FAM81A: variants seen among roughly 807,000 people sequenced by gnomAD.
The protein encoded by FAM81A is family with sequence similarity 81 member A.
FAM81A carries 19 observed loss-of-function variants against 46.7 expected under a neutral mutation model. The ratio of observed to expected loss-of-function variants is 0.41; its 90% CI spans 0.28 to 0.60. The LOEUF is 0.60. Among genes scored for constraint, FAM81A ranks in the 20% least tolerant of loss-of-function variants. The probability of loss-of-function intolerance (pLI) is 0.34; values close to 1 mark genes in which losing one functional copy is unlikely to be tolerated. For synonymous variants in FAM81A, 183 were observed against 152.9 expected (o/e 1.20, Z -1.45); for missense variants, 377 against 453.5 (o/e 0.83, Z 1.53).
intron 1 of FAM81A, among the ~76,000 whole-genome samples, chr15:59,447,125 C>A (rs1294177149): frequency 6.6e-6 from 1 of 152,142 alleles, no homozygotes; most frequent in Non-Finnish European, 1.5e-5. Flanking sequence ...TTATTTCTTT[C>A]CACTGTTTTA....
intron 2 of FAM81A, among the ~76,000 whole-genome samples, chr15:59,433,140 C>CAAAAA (rs552850890): frequency 2.4e-5 from 1 of 42,444 alleles, no homozygotes; most frequent in African/African-American, 1.1e-4. Flanking sequence ...GACTCCGTCT[C>CAAAAA]AAAAAAAAAA....
chr15:59,513,427 G>C (rs965906945), intron 6 of FAM81A, among the ~76,000 whole-genome samples: 1 of 152,154 alleles, frequency 6.6e-6, no homozygotes, highest in South Asian at 2.1e-4. Context: ...GAACTGCCGG[G>C]GTCTGTGGCT....
At chr15:59,404,560 A>ACCTCCTACCTC in intron 2 of FAM81A, among the ~76,000 whole-genome samples, 1 of 152,290 alleles carries the variant, frequency 6.6e-6, no homozygotes, top group East Asian at 1.9e-4. Context: ...TCCTGGGCTC[A>ACCTCCTACCTC]AGCCGTCCTC....
At position 59,521,244 on chromosome 15, in the gene FAM81A, C is replaced by G. The variant is rs763469931; in HGVS notation, c.983-10C>G. 24 of 1,599,782 alleles carry G rather than the reference C, an allele frequency of 1.5e-5. No individual in the cohort carries two copies. The highest frequency in any genetic ancestry group is 2.0e-5 in the Non-Finnish European group (24 of 1,175,284). On this transcript the variant is annotated splice_polypyrimidine_tract_variant and intron_variant, in intron 8 of 8. Transcript: ENST00000288228. ...TTGTTAACTGTTGTGAAATTTACCT[C>G]TCCTTCAAGGGTTTACAGCCGTCTA...
At chr15:59,499,436 G>T (rs1414380983) in intron 4 of FAM81A, among the ~76,000 whole-genome samples, 3 of 152,078 alleles carry the variant, frequency 2.0e-5, no homozygotes, top group Non-Finnish European at 4.4e-5. Context: ...AATCAATTAT[G>T]ACAGGAGAGA....
intron 8 of FAM81A, among the ~76,000 whole-genome samples, chr15:59,518,834 G>A (rs2082295157): frequency 6.6e-6 from 1 of 150,712 alleles, no homozygotes; most frequent in South Asian, 2.1e-4. Context: ...TATATTTAAG[G>A]TATACAACAA....
chr15:59,492,283 C>G lies in FAM81A; in HGVS notation c.307C>G (p.Gln103Glu). The G allele has an allele frequency of 1.9e-6, 3 of 1,612,478 alleles. No individual in the cohort carries two copies. The highest frequency in any genetic ancestry group is 2.5e-6 in the Non-Finnish European group (3 of 1,179,072). ...TTATGTTGCCCAGGTACTCCAGGAG[C>G]AGATTCGTGCCCGGGACAACATTAG... ...LNRDIEVLQE[Q>E]IRARDNISYG... is the part of the protein sequence containing the mutation. Residue 103 changes from glutamine (Q) to glutamate (E), a missense_variant, in exon 4 of 9, where the codon CAG (glutamine) becomes GAG (glutamate). Transcript: ENST00000288228.
intron 3 of FAM81A, among the ~76,000 whole-genome samples, chr15:59,474,116 A>T (rs1219390142): frequency 6.6e-6 from 1 of 152,142 alleles, no homozygotes; most frequent in Non-Finnish European, 1.5e-5. Context: ...CTGGACACTG[A>T]ACTCGTGCCA....
At position 59,516,756 on chromosome 15, in the gene FAM81A, G is replaced by C; in HGVS notation, c.898G>C (p.Glu300Gln). Residue 300 changes from glutamate to glutamine, a missense_variant, in exon 8 of 9, where the codon GAG becomes CAG. Coordinates refer to ENST00000288228, the MANE Select transcript of FAM81A (RefSeq NM_152450.3). ...TGATGGTCAGAGAACAAGGCAAGAA[G>C]AGGAGAAGATGCACGGGCGAATCAC... ...TFDGQRTRQE[E>Q]EKMHGRITKL... 1 of 1,613,600 alleles carries C rather than the reference G, an allele frequency of 6.2e-7. No homozygotes were observed. The highest frequency in any genetic ancestry group is 8.5e-7 in the Non-Finnish European group (1 of 1,179,758).
intron 1 of FAM81A, among the ~76,000 whole-genome samples, chr15:59,451,995 G>A (rs1338958575): frequency 5.9e-5 from 9 of 152,322 alleles, no homozygotes; most frequent in African/African-American, 2.2e-4. Context: ...GGTCCTCATG[G>A]AGCATGCAGC....
intron 1 of FAM81A, among the ~76,000 whole-genome samples, chr15:59,448,116 C>G (rs1354908030): frequency 6.6e-6 from 1 of 152,134 alleles, no homozygotes; most frequent in Non-Finnish European, 1.5e-5. Flanking sequence ...GTGGCTCAGG[C>G]CTGTAATCCC....
intron 3 of FAM81A, among the ~76,000 whole-genome samples, chr15:59,477,196 A>G (rs1340318880): frequency 1.3e-5 from 2 of 152,190 alleles, no homozygotes; most frequent in East Asian, 3.8e-4. Flanking sequence ...ATCAGTTTTA[A>G]AACAGAGGTG....
At chr15:59,502,602 C>T (rs189652367) in intron 4 of FAM81A, among the ~76,000 whole-genome samples, 30 of 151,890 alleles carry the variant, frequency 2.0e-4, no homozygotes, top group African/African-American at 5.6e-4. Flanking sequence ...CAATCTCTGC[C>T]TCCTGGGTTC....
intron 2 of FAM81A, among the ~76,000 whole-genome samples, chr15:59,412,865 T>C (rs2081128349): frequency 6.6e-6 from 1 of 152,172 alleles, no homozygotes; most frequent in Admixed American, 6.5e-5. Context: ...CTTTCCTCTG[T>C]TGACATTAAA....
chr15:59,419,359 C>T (rs1167395058), intron 2 of FAM81A, among the ~76,000 whole-genome samples: 1 of 152,162 alleles, frequency 6.6e-6, no homozygotes, highest in African/African-American at 2.4e-5. Flanking sequence ...TGCCTTTGAA[C>T]TCCCTGTTTC....
intron 3 of FAM81A, among the ~76,000 whole-genome samples, chr15:59,489,266 AATACATACATACATACATACATACATAC>A (rs61067164): frequency 6.9e-6 from 1 of 144,138 alleles, no homozygotes; most frequent in African/African-American, 2.6e-5. Flanking sequence ...CTCCATCTCA[AATACATACATACATACATACATACATAC>A]ATACATACAT....
intron 2 of FAM81A, among the ~76,000 whole-genome samples, chr15:59,415,113 G>A (rs1403792286): frequency 6.8e-6 from 1 of 146,776 alleles, no homozygotes; most frequent in Non-Finnish European, 1.5e-5. Flanking sequence ...ACCGTGCCCA[G>A]CCTGTTTTTT....
chr15:59,452,596 A>G (rs1390805589), intron 1 of FAM81A, among the ~76,000 whole-genome samples: 2 of 152,312 alleles, frequency 1.3e-5, no homozygotes, highest in South Asian at 4.1e-4. Flanking sequence ...GCAGTGAGCT[A>G]TGACCAAGCC....
chr15:59,520,434 T>C (rs1596554560), intron 8 of FAM81A, among the ~76,000 whole-genome samples: 1 of 152,332 alleles, frequency 6.6e-6, no homozygotes, highest in South Asian at 2.1e-4. Context: ...ACACATCGTA[T>C]TTAGTTGTCA....
Sources: gnomAD v4.1 joint callset for allele counts (sites outside exome capture counted in the v4.1 genomes callset) on GRCh38, gnomAD v4.1.1 for gene constraint, MANE v1.5 for transcripts, NCBI Gene and HGNC (gene_info 2026-07-23, HGNC 2026-07-21) for gene names.